Variants in CD226 observed in about 807,000 individuals in gnomAD.
The protein encoded by CD226 is CD226 antigen.
A neutral mutation model predicts 34.9 loss-of-function variants in CD226; 24 were observed. The observed-to-expected ratio is 0.69, with a 90% CI of 0.50 to 0.97. The LOEUF (loss-of-function observed/expected upper bound fraction) is 0.97, where lower values mean the gene tolerates loss of function less well. Ranked by LOEUF, CD226 falls within the 50% of genes least tolerant of loss-of-function variation. The pLI is 0.00. For missense variants in CD226, 397 were observed against 412.7 expected (o/e 0.96, Z 0.33); for synonymous variants, 148 against 147.4 (o/e 1.00, Z -0.03).
intron 2 of CD226, among the ~76,000 whole-genome samples, chr18:69,928,706 T>C (rs1181106014): frequency 6.6e-6 from 1 of 152,222 alleles, no homozygotes; most frequent in Non-Finnish European, 1.5e-5. Flanking sequence ...AATGCTCCAA[T>C]GAGCATTTCC....
chr18:69,910,581 T>G (rs2055311861), intron 2 of CD226, among the ~76,000 whole-genome samples: 1 of 152,184 alleles, frequency 6.6e-6, no homozygotes, highest in Non-Finnish European at 1.5e-5. Flanking sequence ...CAATGCAATG[T>G]GGTGGCCTGG....
At chr18:69,880,048 G>A (rs1984122993) in intron 3 of CD226, among the ~76,000 whole-genome samples, 1 of 152,082 alleles carries the variant, frequency 6.6e-6, no homozygotes, top group South Asian at 2.1e-4. Context: ...TGTTTTATTG[G>A]GAATATGTTT....
In CD226 at chr18:69,880,386, A is replaced by AGGG. The variant is rs1326037563; in HGVS notation, c.728-7141_728-7140insCCC. Among the ~76,000 whole-genome samples the AGGG allele has an allele frequency of 1.1e-4, 16 of 148,674 alleles. No individual in the cohort carries two copies. The South Asian group carries it at 1.5e-3, about 14-fold the overall frequency. ...GAAGGAAGGAAGGAAGGAAGGGGAA[A>AGGG]GAAAGAAAGAAGGAGGGAAGGAAAG... On this transcript the variant is annotated intron_variant, in intron 3 of 5. Transcript: ENST00000582621.
At chr18:69,865,708 T>G (rs1983099894) in intron 5 of CD226, among the ~76,000 whole-genome samples, 1 of 152,320 alleles carries the variant, frequency 6.6e-6, no homozygotes, top group African/African-American at 2.4e-5. Flanking sequence ...AAAAAAAATA[T>G]TTTTTGCAAA....
intron 4 of CD226, among the ~76,000 whole-genome samples, chr18:69,872,894 CAG>C (rs1292114432): frequency 6.6e-6 from 1 of 152,112 alleles, no homozygotes; most frequent in Non-Finnish European, 1.5e-5. Context: ...AGGAGGAAGA[CAG>C]GGCAGGATAA....
chr18:69,953,110 C>T (rs1380800836), intron 1 of CD226, among the ~76,000 whole-genome samples: 1 of 152,038 alleles, frequency 6.6e-6, no homozygotes, highest in Non-Finnish European at 1.5e-5. Flanking sequence ...TACTGTTGCA[C>T]AAGCGTTGTA....
In CD226 at chr18:69,862,597, A is replaced by G. The variant is rs952813468; in HGVS notation, c.*1717T>C. 1.3e-5 allele frequency: 2 copies of G among 152,116 alleles called. No individual in the cohort carries two copies. Among genetic ancestry groups the G allele is most frequent in the South Asian group, 2.1e-4 (1 of 4,832 alleles). The allele number at this position is 152,116 out of a possible 1,614,324, so 9.4% of individuals were successfully genotyped here. ...AGGAAATGGTCGTTTTTATTTTTTCACTCCTGAAAAGGGTTAAAAGAAACT... is the reference window on the plus strand; with the variant it reads ...AGGAAATGGTCGTTTTTATTTTTTCGCTCCTGAAAAGGGTTAAAAGAAACT... On this transcript the variant is annotated 3_prime_UTR_variant, in exon 6 of 6. Coordinates refer to ENST00000582621, the MANE Select transcript of CD226 (RefSeq NM_001303618.2).
At chr18:69,898,783 C>T (rs1181607030) in intron 2 of CD226, among the ~76,000 whole-genome samples, 1 of 152,158 alleles carries the variant, frequency 6.6e-6, no homozygotes, top group Non-Finnish European at 1.5e-5. Context: ...AGACCACAGG[C>T]TCTTCCTGCA....
intron 2 of CD226, among the ~76,000 whole-genome samples, chr18:69,939,864 C>A (rs1401366756): frequency 6.6e-6 from 1 of 152,186 alleles, no homozygotes; most frequent in Non-Finnish European, 1.5e-5. Context: ...TTCACCTGTA[C>A]CATCGGCTCT....
intron 2 of CD226, among the ~76,000 whole-genome samples, chr18:69,919,363 C>T (rs761319527): frequency 1.6e-4 from 24 of 151,946 alleles, no homozygotes; most frequent in Non-Finnish European, 2.4e-4. Context: ...AAAAACTGAC[C>T]GTTTACATAG....
At chr18:69,918,325 G>A (rs2055410560) in intron 2 of CD226, among the ~76,000 whole-genome samples, 1 of 152,208 alleles carries the variant, frequency 6.6e-6, no homozygotes, top group South Asian at 2.1e-4. Context: ...GGCCGAGGCA[G>A]GTGGATCACC....
At chr18:69,937,869 T>A (rs2055674184) in intron 2 of CD226, among the ~76,000 whole-genome samples, 2 of 152,168 alleles carry the variant, frequency 1.3e-5, no homozygotes, top group African/African-American at 2.4e-5. Context: ...AGAACTGCCA[T>A]CAATTCTGGA....
chr18:69,949,387 T>G (rs962204989), upstream of CD226, among the ~76,000 whole-genome samples: 1 of 152,194 alleles, frequency 6.6e-6, no homozygotes, highest in African/African-American at 2.4e-5. Flanking sequence ...CCATCAGAAT[T>G]GGAAAAATTA....
At chr18:69,892,517 T>C (rs1984964676) in intron 3 of CD226, among the ~76,000 whole-genome samples, 1 of 152,250 alleles carries the variant, frequency 6.6e-6, no homozygotes, top group African/African-American at 2.4e-5. Context: ...TATTTCATTC[T>C]ACATTTCAGG....
At position 69,867,315 on chromosome 18, in the gene CD226, T is replaced by C. The variant is rs200124016; in HGVS notation, c.885+42A>G. 191 of 1,377,228 alleles carry C rather than the reference T, an allele frequency of 1.4e-4. No homozygotes were observed. In the East Asian group the frequency reaches 3.4e-3, roughly 25 times the overall value. 85.3% of individuals were successfully genotyped at this position (1,377,228 alleles called of 1,614,324 possible). A position where few individuals can be genotyped will look rare whatever the true frequency, so the allele number is the denominator to read the frequency against. On this transcript the variant is annotated intron_variant, in intron 5 of 5. Transcript: ENST00000582621. ...GCAAAAGAGACTGACTTTGCATCTGTAAATTACAAAAGAAAAAAATGACAG... is the reference window on the plus strand; with the variant it reads ...GCAAAAGAGACTGACTTTGCATCTGCAAATTACAAAAGAAAAAAATGACAG...
intron 4 of CD226, among the ~76,000 whole-genome samples, chr18:69,868,907 A>T (rs571925812): frequency 8.5e-5 from 13 of 152,334 alleles, no homozygotes; most frequent in African/African-American, 3.1e-4. Context: ...GAGTCAAATG[A>T]TCTATGTTTA....
intron 2 of CD226, among the ~76,000 whole-genome samples, chr18:69,942,901 C>A (rs968721076): frequency 5.3e-5 from 8 of 152,218 alleles, no homozygotes; most frequent in African/African-American, 1.9e-4. Context: ...CTTCTCTCTT[C>A]CCCAGACCCC....
intron 3 of CD226, among the ~76,000 whole-genome samples, chr18:69,887,965 T>G (rs1790970): frequency 0.091 from 13,849 of 152,278 alleles, 1,150 homozygotes; most frequent in African/African-American, 0.22. Flanking sequence ...ATACTTCTAC[T>G]TATGACAGAT....
intron 4 of CD226, among the ~76,000 whole-genome samples, chr18:69,871,333 G>A (rs1021067957): frequency 2.0e-5 from 3 of 152,204 alleles, no homozygotes; most frequent in Admixed American, 1.3e-4. Context: ...GGCAGTCCGT[G>A]ATGGGGAAAA....
Sources: allele counts gnomAD v4.1 joint callset (sites outside exome capture counted in the v4.1 genomes callset), GRCh38; gene constraint gnomAD v4.1.1; transcripts MANE v1.5; gene names NCBI Gene and HGNC (gene_info 2026-07-23, HGNC 2026-07-21).